The following PRKN variants were observed in gnomAD, a reference collection of about 807,000 sequenced individuals.
PRKN encodes E3 ubiquitin-protein ligase parkin.
PRKN carries 56 observed loss-of-function variants against 59.5 expected under a neutral mutation model. That is an observed-to-expected ratio of 0.94 (90% CI 0.76 to 1.18). The LOEUF is 1.18. Among genes scored for constraint, PRKN ranks in the 50% most tolerant of loss-of-function variants. PRKN has a pLI of 0.00. For synonymous variants in PRKN, 250 were observed against 222.1 expected, an observed-to-expected ratio of 1.13 and a Z score of -1.12; for missense variants, 657 against 596.4, an observed-to-expected ratio of 1.10 and a Z score of -1.06.
At chr6:162,515,075 C>T (rs1031497802) in intron 1 of PRKN, among the ~76,000 whole-genome samples, 1 of 144,598 alleles carries the variant, frequency 6.9e-6, no homozygotes, top group Non-Finnish European at 1.5e-5. Context: ...CCTTTGACAA[C>T]TATTTTTACT....
chr6:162,396,278 G>A (rs73033870), intron 2 of PRKN, among the ~76,000 whole-genome samples: 10,655 of 152,166 alleles, frequency 0.07, 731 homozygotes, highest in East Asian at 0.38. Flanking sequence ...TTTAGGATTC[G>A]GAGTAGTTGA....
chr6:162,024,119 C>T (rs1488271262), intron 5 of PRKN, among the ~76,000 whole-genome samples: 1 of 151,692 alleles, frequency 6.6e-6, no homozygotes, highest in East Asian at 1.9e-4. Flanking sequence ...ATTCTTCCAT[C>T]CCTGAACACA....
At chr6:162,087,143 A>C (rs911537466) in intron 4 of PRKN, among the ~76,000 whole-genome samples, 6 of 152,156 alleles carry the variant, frequency 3.9e-5, no homozygotes, top group African/African-American at 4.8e-5. Context: ...ATACATCCCC[A>C]AGGCAGAGCC....
At chr6:162,277,349 G>A (rs773042870) in intron 2 of PRKN, among the ~76,000 whole-genome samples, 9 of 152,162 alleles carry the variant, frequency 5.9e-5, no homozygotes, top group Non-Finnish European at 4.4e-5. Flanking sequence ...CGACAACAAA[G>A]TTTAACCCAA....
At chr6:162,040,245 T>C (rs1208754572) in intron 5 of PRKN, among the ~76,000 whole-genome samples, 2 of 152,124 alleles carry the variant, frequency 1.3e-5, no homozygotes, top group African/African-American at 4.8e-5. Flanking sequence ...CAATGTTGTT[T>C]GGGGGCTGCT....
chr6:161,411,789 C>G (rs563675214), intron 9 of PRKN, among the ~76,000 whole-genome samples: 2 of 150,120 alleles, frequency 1.3e-5, no homozygotes, highest in South Asian at 4.3e-4. Context: ...CCTTCACTCA[C>G]TCATTCCTCC....
intron 4 of PRKN, among the ~76,000 whole-genome samples, chr6:162,113,498 G>C (rs1780530935): frequency 1.3e-5 from 2 of 152,126 alleles, no homozygotes; most frequent in South Asian, 4.1e-4. Flanking sequence ...TTGGAAATAA[G>C]CACTGTGGTC....
At chr6:161,412,348 C>T (rs1787611846) in intron 9 of PRKN, among the ~76,000 whole-genome samples, 1 of 149,500 alleles carries the variant, frequency 6.7e-6, no homozygotes, top group South Asian at 2.2e-4. Context: ...TCACTCATTC[C>T]TTTGTCACTT....
chr6:161,585,001 T>A (rs1781471986), intron 7 of PRKN, among the ~76,000 whole-genome samples: 1 of 152,244 alleles, frequency 6.6e-6, no homozygotes, highest in African/African-American at 2.4e-5. Context: ...GAAGCCCAAT[T>A]TGTATTTGGA....
intron 6 of PRKN, among the ~76,000 whole-genome samples, chr6:161,869,765 T>G (rs574947682): frequency 6.6e-6 from 1 of 152,252 alleles, no homozygotes; most frequent in African/African-American, 2.4e-5. Flanking sequence ...CCTGCCAACT[T>G]ATTCATTGTC....
intron 5 of PRKN, among the ~76,000 whole-genome samples, chr6:162,031,087 A>T (rs1783619612): frequency 6.6e-6 from 1 of 152,188 alleles, no homozygotes; most frequent in Admixed American, 6.5e-5. Context: ...ATGTTGGCCA[A>T]CTTGACATTT....
chr6:161,463,618 C>T lies in PRKN; in HGVS notation c.1084-76741G>A, dbSNP rs1239804218. 6.6e-6 allele frequency among the ~76,000 whole-genome samples: 1 copy of T among 152,134 alleles called. No homozygotes were observed. The highest frequency in any genetic ancestry group is 6.6e-5 in the Admixed American group (1 of 15,266). ...ATTCCCATTTCTTGGTTCCCATGGA[C>T]TGAAACTTTACAGGTAAAGGCCAAA... On this transcript the variant is annotated intron_variant, in intron 9 of 11. Transcript: ENST00000366898. The surrounding 1 kb of genome is among the most constrained non-coding windows in gnomAD (Gnocchi z 4.8).
intron 1 of PRKN, among the ~76,000 whole-genome samples, chr6:162,637,221 C>T (rs894032950): frequency 1.3e-5 from 2 of 151,862 alleles, no homozygotes; most frequent in East Asian, 1.9e-4. Context: ...CACGCCGCTG[C>T]ACTCCAGCCC....
intron 9 of PRKN, among the ~76,000 whole-genome samples, chr6:161,411,222 C>G (rs778976376): frequency 3.3e-5 from 5 of 152,114 alleles, no homozygotes; most frequent in Admixed American, 1.3e-4. Context: ...AATCCCCACA[C>G]GTCAAGAGTG....
At chr6:162,648,970 G>A (rs542891380) in intron 1 of PRKN, among the ~76,000 whole-genome samples, 5 of 152,210 alleles carry the variant, frequency 3.3e-5, no homozygotes, top group African/African-American at 1.2e-4. Context: ...CAAAAACCAC[G>A]TTTCTTGAAG....
intron 10 of PRKN, among the ~76,000 whole-genome samples, chr6:161,382,977 C>T (rs1270177434): frequency 1.3e-5 from 2 of 152,128 alleles, no homozygotes; most frequent in Non-Finnish European, 2.9e-5. Context: ...AAGAACCCTG[C>T]AACTGAATGG....
rs1790074513 is a variant in PRKN, at chr6:161,458,580, T to C, written c.1084-71703A>G. On this transcript the variant is annotated intron_variant, in intron 9 of 11. Coordinates refer to ENST00000366898, the MANE Select transcript of PRKN (RefSeq NM_004562.3). The surrounding 1 kb of genome is among the most constrained non-coding windows in gnomAD (Gnocchi z 6.1). ...CTTCCTACATTTAAATGAACTATGATTACCCTTGATTTAATAGCAAAGGAG... is the reference window on the plus strand; with the variant it reads ...CTTCCTACATTTAAATGAACTATGACTACCCTTGATTTAATAGCAAAGGAG... 6.6e-6 allele frequency among the ~76,000 whole-genome samples: 1 copy of C among 152,220 alleles called. No homozygotes were observed. The highest frequency in any genetic ancestry group is 6.5e-5 in the Admixed American group (1 of 15,292).
rs963423474 is a variant in PRKN at position 161,730,623 on chromosome 6, G to A, written c.871+55149C>T. On this transcript the variant is annotated intron_variant, in intron 7 of 11. Transcript: ENST00000366898. ...TCTTTCTGATACATCACATTCTGATGTGTTGCATTCTTTCTGATGTGTTGC... is the reference window on the plus strand; with the variant it reads ...TCTTTCTGATACATCACATTCTGATATGTTGCATTCTTTCTGATGTGTTGC... Among the ~76,000 whole-genome samples, 6 of 151,390 alleles carry A rather than the reference G, an allele frequency of 4.0e-5. 1 individual carries two copies. Among genetic ancestry groups the A allele is most frequent in the Non-Finnish European group, 8.8e-5 (6 of 67,940 alleles).
intron 4 of PRKN, among the ~76,000 whole-genome samples, chr6:162,151,775 A>G (rs553360726): frequency 6.6e-6 from 1 of 152,336 alleles, no homozygotes; most frequent in African/African-American, 2.4e-5. Context: ...AAAGATAAAA[A>G]TATCTTCGGA....
Sources: allele counts gnomAD v4.1 joint callset (sites outside exome capture counted in the v4.1 genomes callset), GRCh38; gene constraint gnomAD v4.1.1; non-coding constraint Gnocchi (gnomAD v3.1); transcripts MANE v1.5; gene names NCBI Gene and HGNC (gene_info 2026-07-23, HGNC 2026-07-21).